Variants in HACE1 observed in about 807,000 individuals in gnomAD.
HACE1 encodes E3 ubiquitin-protein ligase HACE1.
In HACE1, 73 loss-of-function variants were observed where a neutral mutation model predicts 118.4. The ratio of observed to expected loss-of-function variants is 0.62; its 90% CI spans 0.51 to 0.75. The LOEUF is 0.75. Among genes scored for constraint, HACE1 ranks in the 30% least tolerant of loss-of-function variants. The pLI is 0.00. For missense variants in HACE1, 749 were observed against 1,102.2 expected, an observed-to-expected ratio of 0.68 and a Z score of 4.54; for synonymous variants, 368 against 374.8, an observed-to-expected ratio of 0.98 and a Z score of 0.21.
At chr6:104,783,977 CCT>C (rs1269925635) in intron 14 of HACE1, 107 bp downstream of exon 14, 4 of 707,252 alleles carry the variant, frequency 5.7e-6, no homozygotes, top group Non-Finnish European at 1.0e-5. Context: ...TGCAATCATT[CCT>C]CTTACAACAG....
Position 104,737,777 on chromosome 6 carries a change from G to C in HACE1, c.2513+6383C>G, listed in dbSNP as rs568270108. On this transcript the variant is annotated intron_variant, in intron 22 of 23. Transcript: ENST00000262903. ...GGGGCGCCCGCCATTTTCCAGGCTTGATTAGGTAAACAAAGCAGCGGGGAA... is the reference window on the plus strand; with the variant it reads ...GGGGCGCCCGCCATTTTCCAGGCTTCATTAGGTAAACAAAGCAGCGGGGAA... 2.6e-5 allele frequency among the ~76,000 whole-genome samples: 4 copies of C among 152,348 alleles called. No individual in the cohort carries two copies. The East Asian group carries it at 5.8e-4, about 22-fold the overall frequency.
chr6:104,736,637 T>C (rs538894686), intron 22 of HACE1, among the ~76,000 whole-genome samples: 5 of 152,314 alleles, frequency 3.3e-5, no homozygotes, highest in East Asian at 1.9e-4. Context: ...TGGTAAGTTA[T>C]TGACAATTCA....
intron 5 of HACE1, among the ~76,000 whole-genome samples, chr6:104,837,274 CAG>C (rs1032225078): frequency 1.3e-5 from 2 of 152,260 alleles, no homozygotes; most frequent in South Asian, 2.1e-4. Context: ...GTGGTATTAG[CAG>C]AGAGATTAGC....
In HACE1 at chr6:104,767,159, A is replaced by G. The variant is rs1163183471; in HGVS notation, c.2211+4034T>C. Among the ~76,000 whole-genome samples, 3 of 152,212 alleles carry G rather than the reference A, an allele frequency of 2.0e-5. No individual in the cohort carries two copies. In the East Asian group the frequency reaches 5.8e-4, roughly 29 times the overall value. ...AACATAAAGAACATGGTTCAGATACATGAAACACAAAGCACTCAATAAGTA... is the reference window on the plus strand; with the variant it reads ...AACATAAAGAACATGGTTCAGATACGTGAAACACAAAGCACTCAATAAGTA... On this transcript the variant is annotated intron_variant, in intron 19 of 23. Coordinates refer to ENST00000262903, the MANE Select transcript of HACE1 (RefSeq NM_020771.4).
At chr6:104,737,989 G>A (rs1054349760) in intron 22 of HACE1, among the ~76,000 whole-genome samples, 10 of 152,294 alleles carry the variant, frequency 6.6e-5, no homozygotes, top group African/African-American at 2.4e-4. Flanking sequence ...CTGAGAACGG[G>A]CAGACTGCCT....
At chr6:104,755,434 T>C (rs1778490466) in intron 19 of HACE1, among the ~76,000 whole-genome samples, 1 of 152,212 alleles carries the variant, frequency 6.6e-6, no homozygotes, top group Non-Finnish European at 1.5e-5. Context: ...GTGGACCTGA[T>C]AGATATCTAC....
intron 22 of HACE1, among the ~76,000 whole-genome samples, chr6:104,743,475 T>G (rs1438404823): frequency 1.3e-5 from 2 of 151,966 alleles, no homozygotes; most frequent in Admixed American, 6.6e-5. Flanking sequence ...TTTTCTAACT[T>G]TCCTAGGAGA....
intron 19 of HACE1, among the ~76,000 whole-genome samples, chr6:104,770,241 A>G (rs2114702755): frequency 6.6e-6 from 1 of 152,266 alleles, no homozygotes; most frequent in East Asian, 1.9e-4. Flanking sequence ...GTTCAACCAG[A>G]AGCTGCTACT....
At chr6:104,833,856 G>A (rs1013759467) in intron 5 of HACE1, among the ~76,000 whole-genome samples, 10 of 152,060 alleles carry the variant, frequency 6.6e-5, no homozygotes, top group South Asian at 2.1e-4. Context: ...GTGGTGGTGC[G>A]TGCCTGTAAT....
intron 6 of HACE1, among the ~76,000 whole-genome samples, chr6:104,812,908 T>C (rs530827077): frequency 1.6e-3 from 244 of 152,326 alleles, no homozygotes; most frequent in South Asian, 2.9e-3. Context: ...AGTTAGTTAC[T>C]ATCCCTCTTT....
intron 22 of HACE1, chr6:104,730,801 G>T: frequency 4.8e-6 from 1 of 209,750 alleles, no homozygotes; most frequent in South Asian, 8.2e-5. Flanking sequence ...GCCTGGAGTA[G>T]ACATTCATTA....
chr6:104,852,228 T>TGCGC lies in HACE1; in HGVS notation c.131+85_131+88dup, dbSNP rs112776563. The TGCGC allele has an allele frequency of 1.9e-3, 1,287 of 660,760 alleles. 3 individuals carry two copies. Among genetic ancestry groups the TGCGC allele is most frequent in the African/African-American group, 9.0e-3 (370 of 40,922 alleles). The allele number at this position is 660,760 out of a possible 1,614,324, so 40.9% of individuals were successfully genotyped here. A position where few individuals can be genotyped will look rare whatever the true frequency, so the allele number is the denominator to read the frequency against. Reference sequence around the variant, plus strand: ...GTGTGTGTGTGTGTGTGTGTGTGTGTGCGCGCGTGCGCGTGCACGGGCATG... The same window carrying TGCGC: ...GTGTGTGTGTGTGTGTGTGTGTGTGTGCGCGCGCGCGTGCGCGTGCACGGGCATG... On this transcript the variant is annotated intron_variant, in intron 2 of 23. Transcript: ENST00000262903.
intron 9 of HACE1, 55 bp downstream of exon 9, chr6:104,796,600 T>C (rs774598066): frequency 1.1e-6 from 1 of 890,886 alleles, no homozygotes; most frequent in African/African-American, 1.6e-5. Flanking sequence ...ATGTCATATA[T>C]GCTGAGCAGG....
chr6:104,737,739 C>T (rs947458624), intron 22 of HACE1, among the ~76,000 whole-genome samples: 1 of 152,140 alleles, frequency 6.6e-6, no homozygotes, highest in Non-Finnish European at 1.5e-5. Context: ...AAGGCAGCAG[C>T]GAGGCTGGGG....
rs374218039 is a variant in HACE1, at chr6:104,832,625, A to C, written c.534+417T>G. Among the ~76,000 whole-genome samples the C allele has an allele frequency of 1.9e-3, 284 of 152,162 alleles. 1 individual carries two copies. The highest frequency in any genetic ancestry group is 8.5e-3 in the South Asian group (41 of 4,822). ...TTGCCCAGGCTGAACTCCTGAGCTC[A>C]AGAGATCCACCCATCTCAGCCTCCC... On this transcript the variant is annotated intron_variant, in intron 6 of 23. Transcript: ENST00000262903.
intron 22 of HACE1, among the ~76,000 whole-genome samples, chr6:104,739,201 A>G (rs894076805): frequency 5.9e-5 from 9 of 152,222 alleles, no homozygotes; most frequent in Non-Finnish European, 1.0e-4. Flanking sequence ...GGTACCAGCC[A>G]CTGCAAAATC....
chr6:104,784,149 G>A lies in HACE1; in HGVS notation c.1503C>T (p.His501=), dbSNP rs892281569. 1 of 1,594,406 alleles carries A rather than the reference G, an allele frequency of 6.3e-7. No individual in the cohort carries two copies. Among genetic ancestry groups the A allele is most frequent in the Non-Finnish European group, 8.6e-7 (1 of 1,162,190 alleles). ...VNRNPKIIFD[H]FHFLLECPEL... is the part of the protein sequence containing the mutation. ...CAGGACATTCAAGGAGAAAGTGAAA[G>A]TGGTCAAATATAATTTTGGGATTTC... is the stretch of plus-strand genomic sequence containing the variant. Residue 501 remains histidine (H), a synonymous_variant, in exon 14 of 24, where the codon CAC becomes CAT. Coordinates refer to ENST00000262903, the MANE Select transcript of HACE1 (RefSeq NM_020771.4).
chr6:104,826,266 G>A (rs1379941535), intron 6 of HACE1, among the ~76,000 whole-genome samples: 2 of 152,140 alleles, frequency 1.3e-5, no homozygotes, highest in African/African-American at 4.8e-5. Flanking sequence ...TGCTATGCAC[G>A]ACTCTAGATA....
chr6:104,849,095 A>C, intron 4 of HACE1, 47 bp downstream of exon 4: 1 of 1,060,916 alleles, frequency 9.4e-7, no homozygotes, highest in Non-Finnish European at 1.5e-6. Flanking sequence ...AGTGCCTTGA[A>C]TAACTGATAA....
Sources: gnomAD v4.1 joint callset for allele counts (sites outside exome capture counted in the v4.1 genomes callset) on GRCh38, gnomAD v4.1.1 for gene constraint, MANE v1.5 for transcripts, NCBI Gene and HGNC (gene_info 2026-07-23, HGNC 2026-07-21) for gene names.